Variants in GSR observed in about 807,000 individuals in gnomAD.
The protein encoded by GSR is glutathione-disulfide reductase.
GSR carries 48 observed loss-of-function variants against 56.5 expected under a neutral mutation model. That is an observed-to-expected ratio of 0.85 (90% CI 0.67 to 1.08). The LOEUF is 1.08. GSR is among the 50% of genes least tolerant of loss of function. The probability of loss-of-function intolerance (pLI) is 0.00; values close to 1 mark genes in which losing one functional copy is unlikely to be tolerated. For synonymous variants in GSR, 264 were observed against 270.8 expected (o/e 0.97, Z 0.25); for missense variants, 694 against 703.3 (o/e 0.99, Z 0.15).
chr8:30,725,787 C>A (rs560908746), intron 1 of GSR, among the ~76,000 whole-genome samples: 1 of 147,318 alleles, frequency 6.8e-6, no homozygotes, highest in Non-Finnish European at 1.5e-5. Flanking sequence ...GAGGCTGAGA[C>A]GGGAGAACTG....
chr8:30,710,799 C>T (rs984709585), intron 2 of GSR, among the ~76,000 whole-genome samples: 23 of 146,098 alleles, frequency 1.6e-4, no homozygotes, highest in African/African-American at 5.8e-4. Flanking sequence ...AAATGTCTAC[C>T]GCATGTGATC....
chr8:30,698,012 C>T (rs1219671531), intron 6 of GSR, among the ~76,000 whole-genome samples: 1 of 152,102 alleles, frequency 6.6e-6, no homozygotes, highest in Non-Finnish European at 1.5e-5. Flanking sequence ...ATCTTTCAGG[C>T]GGCTGAATCC....
chr8:30,691,956 C>T (rs1323726518), intron 8 of GSR, among the ~76,000 whole-genome samples: 12 of 151,632 alleles, frequency 7.9e-5, no homozygotes, highest in Admixed American at 2.6e-4. Context: ...AAAAAATTAG[C>T]CAGGCGTGGT....
chr8:30,686,037 G>C (rs151003849), intron 9 of GSR, among the ~76,000 whole-genome samples: 1 of 129,226 alleles, frequency 7.7e-6, no homozygotes, highest in East Asian at 2.3e-4. Context: ...GGTACAGACA[G>C]ACCAAAATTC....
Position 30,693,194 on chromosome 8 carries a change from G to T in GSR, c.796-139C>A, listed in dbSNP as rs905159054. The T allele has an allele frequency of 2.4e-5, 17 of 694,258 alleles. No homozygotes were observed. The African/African-American group carries it at 3.0e-4, about 12-fold the overall frequency. 43.0% of individuals were successfully genotyped at this position (694,258 alleles called of 1,614,324 possible). A position where few individuals can be genotyped will look rare whatever the true frequency, so the allele number is the denominator to read the frequency against. On this transcript the variant is annotated intron_variant, in intron 7 of 12. Coordinates refer to ENST00000221130, the MANE Select transcript of GSR (RefSeq NM_000637.5). Reference sequence around the variant, plus strand: ...TACTTATGGCCATATTGGGAGTGGAGTATTAATAAATTCCCTATTTTCCTA... The same window carrying T: ...TACTTATGGCCATATTGGGAGTGGATTATTAATAAATTCCCTATTTTCCTA...
At chr8:30,720,013 C>A (rs962294599) in intron 1 of GSR, among the ~76,000 whole-genome samples, 3 of 151,778 alleles carry the variant, frequency 2.0e-5, no homozygotes, top group Non-Finnish European at 1.5e-5. Flanking sequence ...AGTTAGAGAC[C>A]GGCCTGAGAA....
intron 7 of GSR, among the ~76,000 whole-genome samples, chr8:30,694,662 C>G (rs1252340312): frequency 6.6e-6 from 1 of 151,608 alleles, no homozygotes; most frequent in Non-Finnish European, 1.5e-5. Flanking sequence ...GTGGCGCATG[C>G]CTGTAATCCC....
At chr8:30,714,060 G>C (rs1804246169) in intron 1 of GSR, among the ~76,000 whole-genome samples, 1 of 152,140 alleles carries the variant, frequency 6.6e-6, no homozygotes, top group Non-Finnish European at 1.5e-5. Context: ...TTGCAGAATA[G>C]TAGTTATGCC....
intron 1 of GSR, among the ~76,000 whole-genome samples, chr8:30,713,757 C>T (rs1804236737): frequency 6.6e-6 from 1 of 152,164 alleles, no homozygotes; most frequent in African/African-American, 2.4e-5. Flanking sequence ...TTGACTATAA[C>T]TAGTGTTAGC....
intron 1 of GSR, among the ~76,000 whole-genome samples, chr8:30,713,432 C>T (rs899086099): frequency 6.6e-6 from 1 of 151,880 alleles, no homozygotes; most frequent in African/African-American, 2.4e-5. Flanking sequence ...GATCTCAGCT[C>T]ACTGCAACCT....
chr8:30,689,448 A>T, intron 8 of GSR, 129 bp from the exon 9 acceptor site: 1 of 815,984 alleles, frequency 1.2e-6, no homozygotes, highest in Non-Finnish European at 2.1e-6. Context: ...CCACATACAA[A>T]GATAGACATA....
At chr8:30,684,030 G>T in intron 10 of GSR, 58 bp downstream of exon 10, 2 of 883,122 alleles carry the variant, frequency 2.3e-6, no homozygotes, top group South Asian at 1.3e-5. Context: ...ACAGTGAAGA[G>T]CCAGATGGAT....
At chr8:30,720,858 CAGGTG>C (rs60870303) in intron 1 of GSR, among the ~76,000 whole-genome samples, 116,202 of 151,696 alleles carry the variant, frequency 0.77, 49,000 homozygotes, top group Non-Finnish European at 0.94. Flanking sequence ...GGCTCACACA[CAGGTG>C]TGTAATCCTA....
In GSR at chr8:30,727,641, A is replaced by C; in HGVS notation, c.195T>G (p.Tyr65Ter). The change falls in exon 1 of 13, where the codon TAT (tyrosine) becomes TAG (stop). Residue 65 changes from tyrosine to a stop codon, truncating the protein, a stop_gained. Coordinates refer to ENST00000221130, the MANE Select transcript of GSR (RefSeq NM_000637.5). LOFTEE classifies it high-confidence loss of function. ...AGCCGCCCCCGATCACCAGGTAGTCATAGGAGGCCACGGCGCCAGCAGCGG... is the reference window on the plus strand; with the variant it reads ...AGCCGCCCCCGATCACCAGGTAGTCCTAGGAGGCCACGGCGCCAGCAGCGG... ...PPPAAGAVAS[Y>*]DYLVIGGGSG... The C allele has an allele frequency of 6.8e-7, 1 of 1,480,072 alleles. No homozygotes were observed. The highest frequency in any genetic ancestry group is 8.9e-7 in the Non-Finnish European group (1 of 1,123,672). 91.7% of individuals were successfully genotyped at this position (1,480,072 alleles called of 1,614,324 possible).
rs1802873697 is a variant in GSR, at chr8:30,679,645, G to C, written c.1444C>G (p.Leu482Val). 2 of 1,613,210 alleles carry C rather than the reference G, an allele frequency of 1.2e-6. No individual in the cohort carries two copies. Among genetic ancestry groups the C allele is most frequent in the Non-Finnish European group, 1.7e-6 (2 of 1,179,792 alleles). ...CCCTGCAGCATTTCATCACACCCAA[G>C]TCCCTGCATATGGATCCCAACCACC... ...EKVVGIHMQG[L>V]GCDEMLQGFA... The change falls in exon 13 of 13, where the codon CTT becomes GTT. Residue 482 changes from leucine (L) to valine (V), a missense_variant. Transcript: ENST00000221130.
At chr8:30,699,118 T>G (rs1803643727) in intron 6 of GSR, among the ~76,000 whole-genome samples, 1 of 152,014 alleles carries the variant, frequency 6.6e-6, no homozygotes, top group South Asian at 2.1e-4. Flanking sequence ...AGACCCCATC[T>G]CTACAAAAAT....
At chr8:30,693,195 T>A in intron 7 of GSR, 140 bp from the exon 8 acceptor site, 1 of 693,472 alleles carries the variant, frequency 1.4e-6, no homozygotes, top group East Asian at 2.7e-5. Context: ...GGGAGTGGAG[T>A]ATTAATAAAT....
intron 8 of GSR, among the ~76,000 whole-genome samples, chr8:30,692,039 G>A (rs1276342835): frequency 6.6e-6 from 1 of 151,576 alleles, no homozygotes; most frequent in Non-Finnish European, 1.5e-5. Context: ...GGAGGTTGAG[G>A]CTGCAGTGAG....
At chr8:30,712,601 A>T (rs560992409) in intron 1 of GSR, among the ~76,000 whole-genome samples, 1 of 152,204 alleles carries the variant, frequency 6.6e-6, no homozygotes, top group Non-Finnish European at 1.5e-5. Context: ...TTGAGCCTGG[A>T]AAGACAAGGC....
Sources: allele counts gnomAD v4.1 joint callset (sites outside exome capture counted in the v4.1 genomes callset), GRCh38; gene constraint gnomAD v4.1.1; transcripts MANE v1.5; gene names NCBI Gene and HGNC (gene_info 2026-07-23, HGNC 2026-07-21).